Variants in PLEKHG4B observed in about 807,000 individuals in gnomAD.
PLEKHG4B encodes pleckstrin homology domain-containing family G member 4B.
A neutral mutation model predicts 121.3 loss-of-function variants in PLEKHG4B; 111 were observed. That is an observed-to-expected ratio of 0.92 (90% CI 0.78 to 1.07). The LOEUF (loss-of-function observed/expected upper bound fraction) is 1.07, where lower values mean the gene tolerates loss of function less well. PLEKHG4B is among the 50% of genes least tolerant of loss of function. The probability of loss-of-function intolerance (pLI) is 0.00; values close to 1 mark genes in which losing one functional copy is unlikely to be tolerated. For synonymous variants in PLEKHG4B, 738 were observed against 725.0 expected, an observed-to-expected ratio of 1.02 and a Z score of -0.29; for missense variants, 1,831 against 1,757.8, an observed-to-expected ratio of 1.04 and a Z score of -0.74.
Position 163,288 on chromosome 5 carries a change from G to A in PLEKHG4B, c.3216G>A (p.Arg1072=). 4.3e-6 allele frequency: 7 copies of A among 1,613,300 alleles called. No homozygotes were observed. Among genetic ancestry groups the A allele is most frequent in the Non-Finnish European group, 5.9e-6 (7 of 1,179,996 alleles). ...CCCAGACCCTGGCCAGCCGCCCCAG[G>A]AAACATCCCCAGAAGAAAATGATAA... ...EPTQTLASRP[R]KHPQKKMIKK... The change falls in exon 13 of 20, where the codon AGG becomes AGA. Residue 1072 remains arginine, a synonymous_variant. Coordinates refer to ENST00000637938, the MANE Select transcript of PLEKHG4B (RefSeq NM_052909.5).
intron 7 of PLEKHG4B, among the ~76,000 whole-genome samples, chr5:152,756 T>G (rs949024245): frequency 6.6e-6 from 1 of 152,126 alleles, no homozygotes; most frequent in Non-Finnish European, 1.5e-5. Context: ...AAATCTCCTC[T>G]CAAATTTTAA....
chr5:170,503 T>C (rs926538196), intron 14 of PLEKHG4B, among the ~76,000 whole-genome samples: 4 of 152,154 alleles, frequency 2.6e-5, no homozygotes, highest in Admixed American at 6.5e-5. Flanking sequence ...AGTTTCACCA[T>C]GCTGGCGAGG....
intron 18 of PLEKHG4B, among the ~76,000 whole-genome samples, chr5:175,600 C>T (rs1435102432): frequency 6.6e-6 from 1 of 150,574 alleles, no homozygotes; most frequent in African/African-American, 2.5e-5. Flanking sequence ...CGGCTGCACC[C>T]CGCCTGAGCC....
At chr5:131,771 A>C (rs1208113550) in intron 2 of PLEKHG4B, among the ~76,000 whole-genome samples, 1 of 152,108 alleles carries the variant, frequency 6.6e-6, no homozygotes, top group Admixed American at 6.6e-5. Flanking sequence ...CTTCTCCAGC[A>C]CCTGTTGTTT....
At chr5:171,176 G>A in intron 15 of PLEKHG4B, 38 bp from the exon 16 acceptor site, 2 of 1,606,078 alleles carry the variant, frequency 1.2e-6, no homozygotes, top group Non-Finnish European at 8.5e-7. Flanking sequence ...CCGGCCCTCA[G>A]CCAGGCCGGA....
rs781717427 is a variant in PLEKHG4B, at chr5:183,979, A to AGATAGATCGATCGATC, written c.*1663_*1664insCGATCGATCGATAGAT. The AGATAGATCGATCGATC allele has an allele frequency of 2.2e-5, 2 of 88,988 alleles. No individual in the cohort carries two copies. Among genetic ancestry groups the AGATAGATCGATCGATC allele is most frequent in the African/African-American group, 1.2e-4 (2 of 17,140 alleles). 5.5% of individuals were successfully genotyped at this position (88,988 alleles called of 1,614,324 possible). On this transcript the variant is annotated 3_prime_UTR_variant, in exon 20 of 20. Coordinates refer to ENST00000637938, the MANE Select transcript of PLEKHG4B (RefSeq NM_052909.5). ...TAGATATATATACAGACAGATAGAT[A>AGATAGATCGATCGATC]GATAGATAGATCGATAGATAGATAG... is the stretch of plus-strand genomic sequence containing the variant.
intron 3 of PLEKHG4B, among the ~76,000 whole-genome samples, chr5:141,529 G>A (rs1042263245): frequency 6.6e-5 from 10 of 150,816 alleles, no homozygotes; most frequent in African/African-American, 1.7e-4. Flanking sequence ...GGCACCCATC[G>A]CTGGATTCGG....
rs146449750 is a variant in PLEKHG4B, at chr5:97,542, G to A, written c.45+5266G>A. Among the ~76,000 whole-genome samples, 190 of 152,310 alleles carry A rather than the reference G, an allele frequency of 1.2e-3. 2 individuals are homozygous for A. Among genetic ancestry groups the A allele is most frequent in the Admixed American group, 4.0e-3 (61 of 15,288 alleles). On this transcript the variant is annotated intron_variant, in intron 1 of 19. Transcript: ENST00000637938. ...CCGGACATTTCATATCAACGGAATC[G>A]CACAATATATAGGGTTGTGTGTCTG... is the stretch of plus-strand genomic sequence containing the variant.
Position 162,892 on chromosome 5 carries a change from G to A in PLEKHG4B, c.2820G>A (p.Gln940=). ...CCCTGGGGAAACCGTGGGCATCACA[G>A]CAAGACCTGTGGCTGCAGTACCCCC... ...PHALGKPWAS[Q]QDLWLQYPQT... The change falls in exon 13 of 20, where the codon CAG becomes CAA. Residue 940 remains glutamine, a synonymous_variant. Coordinates refer to ENST00000637938, the MANE Select transcript of PLEKHG4B (RefSeq NM_052909.5). 2 of 1,531,480 alleles carry A rather than the reference G, an allele frequency of 1.3e-6. No homozygotes were observed. Among genetic ancestry groups the A allele is most frequent in the South Asian group, 1.3e-5 (1 of 78,388 alleles). 94.9% of individuals were successfully genotyped at this position (1,531,480 alleles called of 1,614,324 possible).
intron 9 of PLEKHG4B, 94 bp from the exon 10 acceptor site, chr5:155,977 T>C: frequency 7.8e-7 from 1 of 1,281,830 alleles, no homozygotes; most frequent in Non-Finnish European, 1.1e-6. Flanking sequence ...CAGCTTGATT[T>C]ATGGAAACAG....
intron 1 of PLEKHG4B, among the ~76,000 whole-genome samples, chr5:95,114 G>T (rs116069069): frequency 2.8e-3 from 433 of 152,260 alleles, no homozygotes; most frequent in African/African-American, 9.5e-3. Context: ...AATTCTTTTT[G>T]ATTGATCTTA....
chr5:108,005 T>C (rs1478695293), intron 1 of PLEKHG4B, among the ~76,000 whole-genome samples: 1 of 152,108 alleles, frequency 6.6e-6, no homozygotes, highest in Non-Finnish European at 1.5e-5. Context: ...AGAGGAGGCC[T>C]CGAAACAGAG....
chr5:156,171 C>A lies in PLEKHG4B; in HGVS notation c.2309C>A (p.Ala770Glu). 1 of 1,582,290 alleles carries A rather than the reference C, an allele frequency of 6.3e-7. No individual in the cohort carries two copies. The highest frequency in any genetic ancestry group is 8.6e-7 in the Non-Finnish European group (1 of 1,164,574). The change falls in exon 10 of 20, where the codon GCG becomes GAG. Residue 770 changes from alanine to glutamate, a missense_variant. Ala to Glu is a moderately radical substitution (Grantham distance 107). Coordinates refer to ENST00000637938, the MANE Select transcript of PLEKHG4B (RefSeq NM_052909.5). The surrounding 1 kb of genome is among the most constrained non-coding windows in gnomAD (Gnocchi z 4.4). The stretch of plus-strand genomic sequence containing the variant: ...AGGCTGGAGGGGGGCACCGTCCTGG[C>A]GCGGCTGAGGAGAGAAGAGCTTGGC... ...SLRLEGGTVL[A>E]RLRREELGTE... is the part of the protein sequence containing the mutation.
In PLEKHG4B at chr5:162,860, C is replaced by T. The variant is rs537466494; in HGVS notation, c.2788C>T (p.Pro930Ser). Reference sequence around the variant, plus strand: ...CGGGGCAGGTGTGGCAGTGCTGAAGCCTCATGCCCTGGGGAAACCGTGGGC... The same window carrying T: ...CGGGGCAGGTGTGGCAGTGCTGAAGTCTCATGCCCTGGGGAAACCGTGGGC... ...FPGAGVAVLKPHALGKPWASQ... is the reference protein window; with the variant it reads ...FPGAGVAVLKSHALGKPWASQ... The change falls in exon 13 of 20, where the codon CCT becomes TCT. Residue 930 changes from proline (P) to serine (S), a missense_variant. By Grantham distance (74) the Pro-to-Ser change is moderately conservative (BLOSUM62 -1). Transcript: ENST00000637938. 2 of 1,516,134 alleles carry T rather than the reference C, an allele frequency of 1.3e-6. No homozygotes were observed. Among genetic ancestry groups the T allele is most frequent in the Non-Finnish European group, 1.8e-6 (2 of 1,131,120 alleles). The allele number at this position is 1,516,134 out of a possible 1,614,324, so 93.9% of individuals were successfully genotyped here. A position where few individuals can be genotyped will look rare whatever the true frequency, so the allele number is the denominator to read the frequency against.
At chr5:171,503 A>G (rs1736554352) in intron 16 of PLEKHG4B, 59 bp downstream of exon 16, 3 of 1,452,516 alleles carry the variant, frequency 2.1e-6, no homozygotes, top group Non-Finnish European at 1.9e-6. Flanking sequence ...GCTGCTGGTG[A>G]GAAAGTCTTG....
At chr5:121,117 G>C (rs1734454927) in intron 2 of PLEKHG4B, among the ~76,000 whole-genome samples, 1 of 151,900 alleles carries the variant, frequency 6.6e-6, no homozygotes, top group African/African-American at 2.4e-5. Flanking sequence ...CATGGTGGCG[G>C]GTGCCTGTAG....
At chr5:109,397 C>CAAAAA (rs34972342) in intron 1 of PLEKHG4B, among the ~76,000 whole-genome samples, 28 of 61,812 alleles carry the variant, frequency 4.5e-4, no homozygotes, top group African/African-American at 1.8e-3. Flanking sequence ...ACTCTGTCTC[C>CAAAAA]AAAAAAAAAA....
intron 1 of PLEKHG4B, among the ~76,000 whole-genome samples, chr5:104,369 AAC>A (rs1384937366): frequency 3.3e-5 from 5 of 152,238 alleles, no homozygotes; most frequent in Non-Finnish European, 5.9e-5. Flanking sequence ...GAAAAAACTC[AAC>A]ACTCTTAAGA....
At chr5:168,241 A>G (rs981173446) in intron 13 of PLEKHG4B, among the ~76,000 whole-genome samples, 7 of 152,134 alleles carry the variant, frequency 4.6e-5, no homozygotes, top group African/African-American at 1.4e-4. Context: ...GCCCCTCCTC[A>G]GGACGCTCAT....
Sources: gnomAD v4.1 joint callset for allele counts (sites outside exome capture counted in the v4.1 genomes callset) on GRCh38, gnomAD v4.1.1 for gene constraint, Gnocchi (gnomAD v3.1) non-coding constraint, MANE v1.5 for transcripts, NCBI Gene and HGNC (gene_info 2026-07-23, HGNC 2026-07-21) for gene names.